CDH2: variants seen among roughly 807,000 people sequenced by gnomAD.
CDH2 encodes the protein cadherin-2.
A neutral mutation model predicts 92.0 loss-of-function variants in CDH2; 17 were observed. The observed-to-expected ratio is 0.18, with a 90% CI of 0.13 to 0.28. CDH2 has a LOEUF of 0.28. CDH2 is among the 10% of genes least tolerant of loss of function. The pLI is 1.00. For synonymous variants in CDH2, 419 were observed against 415.9 expected (o/e 1.01, Z -0.09); for missense variants, 862 against 1,133.1 (o/e 0.76, Z 3.44).
At chr18:28,032,866 A>C (rs138447857) in intron 2 of CDH2, among the ~76,000 whole-genome samples, 1 of 152,222 alleles carries the variant, frequency 6.6e-6, no homozygotes, top group East Asian at 1.9e-4. Flanking sequence ...ACACTCAACG[A>C]AAATGAACTA....
intron 2 of CDH2, among the ~76,000 whole-genome samples, chr18:28,104,762 A>G (rs28716460): frequency 0.045 from 6,836 of 151,910 alleles, 181 homozygotes; most frequent in South Asian, 0.082. Flanking sequence ...CTAGATAGAT[A>G]TATGTTCCAT....
intron 2 of CDH2, among the ~76,000 whole-genome samples, chr18:28,088,719 G>A (rs766813706): frequency 3.9e-5 from 6 of 152,036 alleles, no homozygotes; most frequent in African/African-American, 7.2e-5. Context: ...CTAAGGGGGC[G>A]GGCATGTTCC....
At chr18:28,016,262 G>T (rs1383436262) in intron 2 of CDH2, among the ~76,000 whole-genome samples, 1 of 152,094 alleles carries the variant, frequency 6.6e-6, no homozygotes, top group Admixed American at 6.6e-5. Flanking sequence ...AACTCACTTT[G>T]GCTTCATGAG....
chr18:27,935,971 A>T (rs1909008350), intron 6 of CDH2, among the ~76,000 whole-genome samples: 1 of 152,230 alleles, frequency 6.6e-6, no homozygotes, highest in Non-Finnish European at 1.5e-5. Flanking sequence ...GATTTATGTG[A>T]ATTGCTATAT....
chr18:28,061,305 T>C (rs540104967), intron 2 of CDH2, among the ~76,000 whole-genome samples: 2 of 152,274 alleles, frequency 1.3e-5, no homozygotes, highest in Admixed American at 6.5e-5. Context: ...ACAGGAAGCA[T>C]TGTTTATTAA....
intron 14 of CDH2, among the ~76,000 whole-genome samples, 191 bp downstream of exon 14, chr18:27,982,753 T>G (rs2012097831): frequency 6.6e-6 from 1 of 150,996 alleles, no homozygotes. Context: ...TTTTACAAAA[T>G]AAATACAATG....
chr18:27,934,416 C>T (rs1364294507), intron 6 of CDH2, among the ~76,000 whole-genome samples: 2 of 152,154 alleles, frequency 1.3e-5, no homozygotes, highest in Non-Finnish European at 2.9e-5. Context: ...GAATAGATTT[C>T]TTTCTCTATC....
chr18:27,992,538 T>C (rs931663068), intron 9 of CDH2, 117 bp downstream of exon 9: 1 of 781,154 alleles, frequency 1.3e-6, no homozygotes, highest in African/African-American at 1.7e-5. Flanking sequence ...GACCCACATC[T>C]GGAGATGTCT....
At chr18:28,120,432 A>G (rs888233350) in intron 2 of CDH2, among the ~76,000 whole-genome samples, 11 of 152,124 alleles carry the variant, frequency 7.2e-5, no homozygotes, top group African/African-American at 2.7e-4. Context: ...CAGGATGTTC[A>G]ATAATATATC....
intron 14 of CDH2, among the ~76,000 whole-genome samples, chr18:27,968,476 G>T (rs2143905014): frequency 6.6e-6 from 1 of 152,278 alleles, no homozygotes; most frequent in South Asian, 2.1e-4. Flanking sequence ...ACTCTGCATA[G>T]AACAAATGAG....
chr18:27,977,744 T>C (rs1009086908), intron 14 of CDH2, among the ~76,000 whole-genome samples: 1 of 152,180 alleles, frequency 6.6e-6, no homozygotes, highest in African/African-American at 2.4e-5. Flanking sequence ...CAGTTTACAA[T>C]GGAATACTAT....
intron 7 of CDH2, among the ~76,000 whole-genome samples, chr18:27,999,926 T>G (rs1426614427): frequency 6.6e-6 from 1 of 151,926 alleles, no homozygotes; most frequent in Admixed American, 6.6e-5. Flanking sequence ...TCTGATGGTT[T>G]TATAAGCGTC....
intron 2 of CDH2, among the ~76,000 whole-genome samples, chr18:28,143,488 T>C (rs1405842734): frequency 6.6e-6 from 1 of 151,910 alleles, no homozygotes; most frequent in Non-Finnish European, 1.5e-5. Context: ...AACAGGTGTG[T>C]ACAAAATACT....
intron 1 of CDH2, among the ~76,000 whole-genome samples, chr18:28,148,811 T>TA (rs1353646521): frequency 2.0e-5 from 3 of 152,210 alleles, no homozygotes; most frequent in African/African-American, 7.2e-5. Context: ...GCAGGGCAGC[T>TA]TCATAATTAA....
chr18:28,037,048 T>C (rs903247797), intron 2 of CDH2, among the ~76,000 whole-genome samples: 4 of 152,150 alleles, frequency 2.6e-5, no homozygotes, highest in Admixed American at 1.3e-4. Context: ...ATAATATATA[T>C]GCTTTGCATA....
Position 28,171,840 on chromosome 18 carries a change from T to C in CDH2, c.60+5123A>G, listed in dbSNP as rs527257454. Among the ~76,000 whole-genome samples the C allele has an allele frequency of 2.9e-4, 44 of 152,134 alleles. No homozygotes were observed. In the South Asian group the frequency reaches 4.6e-3, roughly 16 times the overall value. On this transcript the variant is annotated intron_variant, in intron 1 of 15. Transcript: ENST00000269141. ...ATGAGGTCACGGGACTTTAAGAGAG[T>C]AGACTACATCTGGACGAAATCAGAA...
chr18:28,091,003 A>G (rs994183608), intron 2 of CDH2, among the ~76,000 whole-genome samples: 2 of 152,214 alleles, frequency 1.3e-5, no homozygotes, highest in Non-Finnish European at 2.9e-5. Flanking sequence ...CTAATATGCT[A>G]GTCCTCCGGG....
intron 2 of CDH2, among the ~76,000 whole-genome samples, chr18:28,078,547 A>G (rs1161553791): frequency 1.3e-5 from 2 of 152,106 alleles, no homozygotes; most frequent in African/African-American, 2.4e-5. Context: ...ACCAACTCCT[A>G]ACAGTGGCAG....
At position 28,004,589 on chromosome 18, in the gene CDH2, T is replaced by C. The variant is rs1464817693; in HGVS notation, c.847+1260A>G. Among the ~76,000 whole-genome samples, 6 of 152,304 alleles carry C rather than the reference T, an allele frequency of 3.9e-5. 1 individual carries two copies. In the South Asian group the frequency reaches 1.0e-3, roughly 26 times the overall value. On this transcript the variant is annotated intron_variant, in intron 6 of 15. Transcript: ENST00000269141. Reference sequence around the variant, plus strand: ...TTAAACAATTTTTGTGAAACTATTCTTGTAAAGTTGGAAATAATAGAGAAA... The same window carrying C: ...TTAAACAATTTTTGTGAAACTATTCCTGTAAAGTTGGAAATAATAGAGAAA...
Sources: allele counts gnomAD v4.1 joint callset (sites outside exome capture counted in the v4.1 genomes callset), GRCh38; gene constraint gnomAD v4.1.1; transcripts MANE v1.5; gene names NCBI Gene and HGNC (gene_info 2026-07-23, HGNC 2026-07-21).